Variants in ADORA2B observed in about 807,000 individuals in gnomAD.
ADORA2B encodes adenosine A2b receptor.
ADORA2B carries 18 observed loss-of-function variants against 20.8 expected under a neutral mutation model. The observed-to-expected ratio is 0.87, with a 90% CI of 0.60 to 1.29. The LOEUF is 1.29. ADORA2B is among the 50% of genes most tolerant of loss of function. The pLI is 0.00. For missense variants in ADORA2B, 441 were observed against 422.7 expected, an observed-to-expected ratio of 1.04 and a Z score of -0.38; for synonymous variants, 179 against 178.3, an observed-to-expected ratio of 1.00 and a Z score of -0.03.
the ADORA2B span, among the ~76,000 whole-genome samples, chr17:15,886,106 G>A: frequency 3.9e-5 from 6 of 152,148 alleles, no homozygotes; most frequent in South Asian, 4.1e-4. Flanking sequence ...AACTGGTTTC[G>A]TCACACAGCA....
the ADORA2B span, among the ~76,000 whole-genome samples, chr17:15,882,349 A>G: frequency 6.6e-6 from 1 of 152,162 alleles, no homozygotes; most frequent in Non-Finnish European, 1.5e-5. Context: ...GACCTGCCAA[A>G]TTCCTGTGAA....
At chr17:15,970,360 CAT>C (rs1479025303) in intron 1 of ADORA2B, among the ~76,000 whole-genome samples, 13 of 152,158 alleles carry the variant, frequency 8.5e-5, no homozygotes, top group Admixed American at 2.0e-4. Context: ...CAGTTTTGCA[CAT>C]GTGTCGGATC....
chr17:15,957,713 T>C (rs1391349037), intron 1 of ADORA2B, among the ~76,000 whole-genome samples: 3 of 152,152 alleles, frequency 2.0e-5, no homozygotes, highest in East Asian at 1.9e-4. Context: ...TCCTGCTTTA[T>C]GGGAGCCCTG....
the ADORA2B span, among the ~76,000 whole-genome samples, chr17:15,883,316 C>T: frequency 1.3e-4 from 20 of 152,274 alleles, no homozygotes; most frequent in Non-Finnish European, 2.2e-4. Flanking sequence ...CTCTTTGGAG[C>T]GCTAGAACAT....
chr17:15,955,720 C>CTTTT (rs150614152), intron 1 of ADORA2B, among the ~76,000 whole-genome samples: 1 of 119,972 alleles, frequency 8.3e-6, no homozygotes, highest in African/African-American at 3.1e-5. Context: ...CTCTGGGATT[C>CTTTT]TTTTTTTTTT....
chr17:15,880,541 G>A, the ADORA2B span, among the ~76,000 whole-genome samples: 1 of 140,570 alleles, frequency 7.1e-6, no homozygotes, highest in African/African-American at 2.8e-5. Flanking sequence ...TCAGGGCTGT[G>A]CCTGGGAGCA....
At chr17:15,964,959 C>T (rs1305165615) in intron 1 of ADORA2B, among the ~76,000 whole-genome samples, 1 of 152,112 alleles carries the variant, frequency 6.6e-6, no homozygotes, top group Non-Finnish European at 1.5e-5. Context: ...ACTCAGGAGG[C>T]TGAGGCAGGA....
the ADORA2B span, among the ~76,000 whole-genome samples, chr17:15,939,542 A>T: frequency 1.3e-5 from 2 of 152,154 alleles, no homozygotes; most frequent in African/African-American, 4.8e-5. Flanking sequence ...GAGGCTGAAG[A>T]AGTTCAGGAT....
intron 1 of ADORA2B, among the ~76,000 whole-genome samples, chr17:15,971,396 A>C (rs1970186786): frequency 6.6e-6 from 1 of 152,224 alleles, no homozygotes; most frequent in Non-Finnish European, 1.5e-5. Flanking sequence ...TGAGCCCAGC[A>C]GGTCTTCTGT....
chr17:15,868,274 C>T, the ADORA2B span, among the ~76,000 whole-genome samples: 1 of 135,120 alleles, frequency 7.4e-6, no homozygotes. Flanking sequence ...AACCAGAGAC[C>T]TTTGTTCACT....
chr17:15,897,084 A>G, the ADORA2B span, among the ~76,000 whole-genome samples: 7 of 152,328 alleles, frequency 4.6e-5, no homozygotes, highest in South Asian at 1.4e-3. Flanking sequence ...GGAATTCCAG[A>G]TGAAAAGGAT....
At chr17:15,867,233 T>C in the ADORA2B span, among the ~76,000 whole-genome samples, 2 of 151,992 alleles carry the variant, frequency 1.3e-5, no homozygotes, top group African/African-American at 2.4e-5. Flanking sequence ...GGAGCATCTC[T>C]GCCTGGCCGC....
chr17:15,892,130 G>C, the ADORA2B span, among the ~76,000 whole-genome samples: 1 of 151,034 alleles, frequency 6.6e-6, no homozygotes, highest in African/African-American at 2.4e-5. Flanking sequence ...CAAAGTGCTG[G>C]TATTACAGGC....
chr17:15,922,306 T>C, the ADORA2B span, among the ~76,000 whole-genome samples: 1 of 152,242 alleles, frequency 6.6e-6, no homozygotes. Context: ...ATGCTATGCA[T>C]TTTATTCTGC....
At chr17:15,861,224 AT>A in the ADORA2B span, among the ~76,000 whole-genome samples, 4 of 152,232 alleles carry the variant, frequency 2.6e-5, no homozygotes, top group African/African-American at 9.6e-5. Flanking sequence ...ACAATACTAA[AT>A]AGGCAAAGTA....
chr17:15,962,572 C>A lies in ADORA2B; in HGVS notation c.336-12107C>A, dbSNP rs143808203. ...TTGAGACAGAATTACGCGCTTGTTG[C>A]CTGGGCTGGAGTGCAATGGCGCAAT... On this transcript the variant is annotated intron_variant, in intron 1 of 1. Transcript: ENST00000304222. Among the ~76,000 whole-genome samples the A allele has an allele frequency of 9.5e-3, 1,449 of 151,798 alleles. 14 individuals are homozygous for A. Among genetic ancestry groups the A allele is most frequent in the Non-Finnish European group, 0.016 (1,080 of 67,790 alleles).
At chr17:15,874,058 A>G in the ADORA2B span, among the ~76,000 whole-genome samples, 257 of 91,254 alleles carry the variant, frequency 2.8e-3, 5 homozygotes, top group East Asian at 7.2e-3. Flanking sequence ...ATATATATAT[A>G]TGTGTGTGTG....
chr17:15,924,353 C>T, the ADORA2B span, among the ~76,000 whole-genome samples: 1 of 152,154 alleles, frequency 6.6e-6, no homozygotes, highest in Non-Finnish European at 1.5e-5. Flanking sequence ...ATTGTTTTGT[C>T]TTAAATCTTT....
chr17:15,928,168 A>G, the ADORA2B span, among the ~76,000 whole-genome samples: 1 of 152,122 alleles, frequency 6.6e-6, no homozygotes, highest in Admixed American at 6.6e-5. Context: ...CAGTTGAGCA[A>G]GGCCTGAGGG....
Sources: gnomAD v4.1 joint callset for allele counts (sites outside exome capture counted in the v4.1 genomes callset) on GRCh38, gnomAD v4.1.1 for gene constraint, MANE v1.5 for transcripts, NCBI Gene and HGNC (gene_info 2026-07-23, HGNC 2026-07-21) for gene names.